The following MTCL1 variants were observed in gnomAD, a reference collection of about 807,000 sequenced individuals.
MTCL1 encodes the protein microtubule crosslinking factor 1.
MTCL1 carries 79 observed loss-of-function variants against 141.4 expected under a neutral mutation model. The observed-to-expected ratio is 0.56, with a 90% CI of 0.47 to 0.67. MTCL1 has a LOEUF of 0.67. Among genes scored for constraint, MTCL1 ranks in the 30% least tolerant of loss-of-function variants. MTCL1 has a pLI of 0.00. For synonymous variants in MTCL1, 914 were observed against 875.8 expected (o/e 1.04, Z -0.77); for missense variants, 2,177 against 2,113.9 (o/e 1.03, Z -0.59).
chr18:8,748,631 G>A (rs932374213), intron 4 of MTCL1, among the ~76,000 whole-genome samples: 11 of 151,754 alleles, frequency 7.2e-5, no homozygotes, highest in African/African-American at 1.9e-4. Context: ...ATATATATTC[G>A]TGACTCCCCG....
intron 4 of MTCL1, among the ~76,000 whole-genome samples, chr18:8,768,734 G>T (rs946713996): frequency 6.6e-6 from 1 of 151,016 alleles, no homozygotes; most frequent in Non-Finnish European, 1.5e-5. Context: ...TGATGGACTG[G>T]TAGATTTCCT....
At chr18:8,710,888 C>CTTTTTTTTTTTTTTTTTTTTTTTTTTATT in intron 1 of MTCL1, among the ~76,000 whole-genome samples, 1 of 80,934 alleles carries the variant, frequency 1.2e-5, no homozygotes, top group Non-Finnish European at 2.2e-5. Flanking sequence ...TTTTTTTTTA[C>CTTTTTTTTTTTTTTTTTTTTTTTTTTATT]TTTTTTTTTT....
chr18:8,783,071 G>A (rs778090583), intron 5 of MTCL1, among the ~76,000 whole-genome samples: 9 of 152,178 alleles, frequency 5.9e-5, no homozygotes, highest in Non-Finnish European at 1.2e-4. Context: ...GGTGGTGAGT[G>A]CAGCAGGGTG....
At chr18:8,782,219 G>C (rs2096534967) in intron 5 of MTCL1, 1 of 152,244 alleles carries the variant, frequency 6.6e-6, no homozygotes, top group Admixed American at 6.5e-5. Context: ...TTCCACAGAA[G>C]GGGCGACAGG....
At chr18:8,756,543 G>GTATATATATGTATATATATATATATA (rs1555641161) in intron 4 of MTCL1, among the ~76,000 whole-genome samples, 2 of 144,792 alleles carry the variant, frequency 1.4e-5, no homozygotes, top group Admixed American at 6.7e-5. Context: ...GTATATATGT[G>GTATATATATGTATATATATATATATA]TATATATATG....
chr18:8,742,952 G>A (rs775131254), intron 4 of MTCL1, among the ~76,000 whole-genome samples: 1 of 152,160 alleles, frequency 6.6e-6, no homozygotes, highest in Non-Finnish European at 1.5e-5. Context: ...TCACTTTGAG[G>A]TTGGCAATAG....
intron 10 of MTCL1, among the ~76,000 whole-genome samples, chr18:8,806,691 A>G (rs2076308172): frequency 6.6e-6 from 1 of 152,088 alleles, no homozygotes; most frequent in African/African-American, 2.4e-5. Flanking sequence ...CCTCAGTCTC[A>G]GGCCCAGGAG....
intron 4 of MTCL1, among the ~76,000 whole-genome samples, chr18:8,739,027 C>T (rs1258600674): frequency 6.6e-6 from 1 of 152,176 alleles, no homozygotes; most frequent in Middle Eastern, 3.4e-3. Context: ...TTGCTTGAGG[C>T]CAGAAGTTCG....
intron 4 of MTCL1, among the ~76,000 whole-genome samples, chr18:8,742,142 T>C (rs1229564334): frequency 9.2e-5 from 14 of 151,928 alleles, no homozygotes; most frequent in Admixed American, 9.2e-4. Context: ...GGTGGGAGTA[T>C]GTAGGCAGGT....
At chr18:8,773,776 A>G (rs1598593170) in intron 4 of MTCL1, among the ~76,000 whole-genome samples, 1 of 152,202 alleles carries the variant, frequency 6.6e-6, no homozygotes, top group Admixed American at 6.5e-5. Flanking sequence ...CATACCAAAT[A>G]GTTCATCCTT....
chr18:8,729,173 C>T (rs1038848232), intron 4 of MTCL1, among the ~76,000 whole-genome samples: 2 of 115,874 alleles, frequency 1.7e-5, no homozygotes, highest in Non-Finnish European at 3.4e-5. Context: ...GCACTTTCCA[C>T]CCCCACCCCC....
intron 4 of MTCL1, among the ~76,000 whole-genome samples, chr18:8,760,092 A>T (rs540246904): frequency 3.9e-4 from 60 of 152,198 alleles, no homozygotes; most frequent in Non-Finnish European, 2.5e-4. Flanking sequence ...ATTCCTTGTC[A>T]TACCTTCTTC....
Position 8,821,448 on chromosome 18 carries a change from A to G in MTCL1, c.3157-19A>G, listed in dbSNP as rs1241351376. The G allele has an allele frequency of 1.4e-6, 2 of 1,445,572 alleles. No individual in the cohort carries two copies. Among genetic ancestry groups the G allele is most frequent in the African/African-American group, 1.4e-5 (1 of 71,398 alleles). 89.5% of individuals were successfully genotyped at this position (1,445,572 alleles called of 1,614,324 possible). A position where few individuals can be genotyped will look rare whatever the true frequency, so the allele number is the denominator to read the frequency against. ...AACCAAAATTAACCGATTCAGATGA[A>G]GTTATTTCTTCTTTATAGGAAGAAG... On this transcript the variant is annotated intron_variant, in intron 13 of 16. Transcript: ENST00000359865.
intron 3 of MTCL1, 62 bp from the exon 3 acceptor site, chr18:8,720,276 A>T (rs1271068813): frequency 3.2e-6 from 5 of 1,559,352 alleles, no homozygotes; most frequent in Non-Finnish European, 4.4e-6. Context: ...ATGTTGTCTG[A>T]TAGTACCCTT....
Position 8,806,875 on chromosome 18 carries a change from G to A in MTCL1, c.2437-18G>A, listed in dbSNP as rs2076316642. On this transcript the variant is annotated intron_variant, in intron 10 of 16. Coordinates refer to ENST00000359865, the Ensembl canonical transcript of MTCL1. ...ACGCTTAAAGGAGGTGGTGGAGCCT[G>A]ACTCAGTGTTCCCGCAGGTGGTGGA... The A allele has an allele frequency of 6.2e-7, 1 of 1,610,274 alleles. No homozygotes were observed. Among genetic ancestry groups the A allele is most frequent in the Admixed American group, 1.7e-5 (1 of 59,958 alleles).
chr18:8,795,030 G>A (rs1425222763), intron 8 of MTCL1, among the ~76,000 whole-genome samples: 1 of 152,224 alleles, frequency 6.6e-6, no homozygotes, highest in Non-Finnish European at 1.5e-5. Flanking sequence ...TGTGTCCACA[G>A]GGGAGAATCG....
rs115933473 is a variant in MTCL1 at position 8,826,822 on chromosome 18, A to G, written c.4722+590A>G. Reference sequence around the variant, plus strand: ...CCAAGTGAAACATATAGACAAAATCAAAATCCTACCCTAATACAATATGAT... The same window carrying G: ...CCAAGTGAAACATATAGACAAAATCGAAATCCTACCCTAATACAATATGAT... On this transcript the variant is annotated intron_variant, in intron 15 of 16. Transcript: ENST00000359865. 8.3e-3 allele frequency among the ~76,000 whole-genome samples: 1,265 copies of G among 152,308 alleles called. 21 individuals carry two copies. Among genetic ancestry groups the G allele is most frequent in the African/African-American group, 0.029 (1,215 of 41,572 alleles).
At chr18:8,742,383 G>C (rs939916211) in intron 4 of MTCL1, among the ~76,000 whole-genome samples, 3 of 152,166 alleles carry the variant, frequency 2.0e-5, no homozygotes, top group Non-Finnish European at 4.4e-5. Context: ...ATAAAGGAGA[G>C]AGGTTTAATT....
intron 7 of MTCL1, chr18:8,789,709 A>G (rs1598674867): frequency 1.0e-6 from 1 of 985,422 alleles, no homozygotes; most frequent in East Asian, 1.1e-4. Context: ...TTTGATGTAT[A>G]ATCAGAATCC....
Sources: gnomAD v4.1 joint callset for allele counts (sites outside exome capture counted in the v4.1 genomes callset) on GRCh38, gnomAD v4.1.1 for gene constraint, MANE v1.5 for transcripts, NCBI Gene and HGNC (gene_info 2026-07-23, HGNC 2026-07-21) for gene names.